The following TRIM71 variants were observed in gnomAD, a reference collection of about 807,000 sequenced individuals.
TRIM71 encodes E3 ubiquitin-protein ligase TRIM71.
Under a neutral mutation model 61.2 loss-of-function variants are expected in TRIM71, and 9 were observed. That is an observed-to-expected ratio of 0.15 (90% CI 0.09 to 0.26). The LOEUF (loss-of-function observed/expected upper bound fraction) is 0.26, where lower values mean the gene tolerates loss of function less well. Among genes scored for constraint, TRIM71 ranks in the 10% least tolerant of loss-of-function variants. The pLI, the probability that TRIM71 is intolerant of heterozygous loss-of-function variation, is 1.00. For missense variants in TRIM71, 998 were observed against 1,238.7 expected (o/e 0.81, Z 2.92); for synonymous variants, 645 against 553.2 (o/e 1.17, Z -2.33).
At chr3:32,841,211 C>T (rs1050222784) in intron 1 of TRIM71, among the ~76,000 whole-genome samples, 1 of 152,138 alleles carries the variant, frequency 6.6e-6, no homozygotes, top group Non-Finnish European at 1.5e-5. Context: ...CGCCACTGCA[C>T]TCCAGCCTGG....
chr3:32,829,045 G>A (rs1696236074), intron 1 of TRIM71, among the ~76,000 whole-genome samples: 2 of 151,508 alleles, frequency 1.3e-5, no homozygotes, highest in Admixed American at 1.3e-4. Flanking sequence ...CCAGGCTGGA[G>A]TGCAGTGATG....
intron 1 of TRIM71, among the ~76,000 whole-genome samples, chr3:32,819,302 T>TC (rs1696101980): frequency 6.6e-6 from 1 of 152,174 alleles, no homozygotes; most frequent in African/African-American, 2.4e-5. Flanking sequence ...ACCAGAGGCC[T>TC]CCCAACGTGC....
At chr3:32,855,530 C>T (rs1048652784) in intron 1 of TRIM71, among the ~76,000 whole-genome samples, 7 of 152,136 alleles carry the variant, frequency 4.6e-5, no homozygotes, top group African/African-American at 1.7e-4. Context: ...GTCTCTAGCC[C>T]TCCTCTTTTG....
At chr3:32,856,869 A>G (rs560207472) in intron 1 of TRIM71, among the ~76,000 whole-genome samples, 49 of 152,270 alleles carry the variant, frequency 3.2e-4, no homozygotes, top group African/African-American at 1.2e-3. Flanking sequence ...TGGAACTGCC[A>G]CGGACATTTT....
intron 1 of TRIM71, among the ~76,000 whole-genome samples, chr3:32,862,654 G>T (rs1437607265): frequency 6.6e-6 from 1 of 152,192 alleles, no homozygotes; most frequent in Non-Finnish European, 1.5e-5. Context: ...GTGTGTCTAC[G>T]TCCAAATCTG....
chr3:32,842,568 C>T (rs1696418545), intron 1 of TRIM71, among the ~76,000 whole-genome samples: 1 of 152,224 alleles, frequency 6.6e-6, no homozygotes, highest in African/African-American at 2.4e-5. Context: ...TCTGTCCCTT[C>T]CTGGATAGAG....
At chr3:32,860,492 G>T (rs112651978) in intron 1 of TRIM71, among the ~76,000 whole-genome samples, 1 of 150,928 alleles carries the variant, frequency 6.6e-6, no homozygotes, top group African/African-American at 2.4e-5. Flanking sequence ...TTAAATTTGA[G>T]GTATTTTGCC....
At chr3:32,871,067 C>T (rs375259957) in intron 1 of TRIM71, among the ~76,000 whole-genome samples, 6 of 151,848 alleles carry the variant, frequency 4.0e-5, no homozygotes, top group African/African-American at 1.5e-4. Context: ...CGTCCAGCTA[C>T]TAGAACTTAA....
chr3:32,852,043 C>T (rs1320698659), intron 1 of TRIM71, among the ~76,000 whole-genome samples: 1 of 152,154 alleles, frequency 6.6e-6, no homozygotes, highest in Non-Finnish European at 1.5e-5. Flanking sequence ...CCCTCTGGAG[C>T]GTGCCCGAGG....
Position 32,891,917 on chromosome 3 carries a change from CAG to C in TRIM71, c.*107_*108del, listed in dbSNP as rs1325601513. The C allele has an allele frequency of 6.9e-7, 1 of 1,452,268 alleles. No homozygotes were observed. Among genetic ancestry groups the C allele is most frequent in the African/African-American group, 1.4e-5 (1 of 69,206 alleles). 90.0% of individuals were successfully genotyped at this position (1,452,268 alleles called of 1,614,324 possible). On this transcript the variant is annotated 3_prime_UTR_variant, in exon 4 of 4. Transcript: ENST00000383763. The surrounding 1 kb of genome is among the most constrained non-coding windows in gnomAD (Gnocchi z 8.2). Reference sequence around the variant, plus strand: ...TTGAATTTCAAAGAAGAAACAGTCTCAGGGAAATTTCTTTTTTCTTTTTTTTT... The same window carrying C: ...TTGAATTTCAAAGAAGAAACAGTCTCGGAAATTTCTTTTTTCTTTTTTTTT...
rs781165303 is a variant in TRIM71, at chr3:32,818,653, G to C, written c.573G>C (p.Leu191=). ...PGGPAASPSA[L]LLRRPHGCSS... is the part of the protein sequence containing the mutation. ...GCCCTGCCGCTTCCCCGTCGGCGCT[G>C]CTGCTCCGCCGTCCTCACGGCTGCA... Residue 191 remains leucine (L), a synonymous_variant, in exon 1 of 4, where the codon CTG becomes CTC. Transcript: ENST00000383763. 26 of 1,494,878 alleles carry C rather than the reference G, an allele frequency of 1.7e-5. No individual in the cohort carries two copies. Among genetic ancestry groups the C allele is most frequent in the Admixed American group, 2.3e-5 (1 of 43,540 alleles). 92.6% of individuals were successfully genotyped at this position (1,494,878 alleles called of 1,614,324 possible).
At chr3:32,839,954 T>C (rs967049907) in intron 1 of TRIM71, among the ~76,000 whole-genome samples, 3 of 152,160 alleles carry the variant, frequency 2.0e-5, no homozygotes, top group Admixed American at 1.3e-4. Context: ...TAGAACTGTA[T>C]CTACAAAGCA....
chr3:32,833,050 C>T (rs543162086), intron 1 of TRIM71, among the ~76,000 whole-genome samples: 1 of 151,892 alleles, frequency 6.6e-6, no homozygotes, highest in East Asian at 2.0e-4. Flanking sequence ...TGTTACGAAC[C>T]TGTCATCCCA....
intron 1 of TRIM71, among the ~76,000 whole-genome samples, chr3:32,824,792 C>A (rs6771050): frequency 1.3e-5 from 2 of 151,832 alleles, no homozygotes; most frequent in South Asian, 2.1e-4. Flanking sequence ...CTAGATAGTC[C>A]TTTTCTTTTC....
At chr3:32,828,953 T>C (rs945622702) in intron 1 of TRIM71, among the ~76,000 whole-genome samples, 4 of 152,060 alleles carry the variant, frequency 2.6e-5, no homozygotes, top group African/African-American at 9.7e-5. Flanking sequence ...CCTAGAGTAC[T>C]GGGGTTACAG....
intron 2 of TRIM71, among the ~76,000 whole-genome samples, chr3:32,875,255 G>C (rs1696842152): frequency 1.3e-5 from 2 of 152,238 alleles, no homozygotes; most frequent in Non-Finnish European, 2.9e-5. Context: ...AATTGAAACT[G>C]TTGTTTCTGT....
At chr3:32,868,826 C>T (rs1696767508) in intron 1 of TRIM71, among the ~76,000 whole-genome samples, 1 of 152,054 alleles carries the variant, frequency 6.6e-6, no homozygotes, top group South Asian at 2.1e-4. Flanking sequence ...GTGTCTGCAG[C>T]GGGGCTCTGT....
chr3:32,818,479 G>A lies in TRIM71; in HGVS notation c.399G>A (p.Lys133=), dbSNP rs756759285. Residue 133 remains lysine, a synonymous_variant, in exon 1 of 4, where the codon AAG becomes AAA. Transcript: ENST00000383763. The part of the protein sequence containing the change: ...VVATADEPPP[K]NGRAGAPAGA... The stretch of plus-strand genomic sequence containing the variant: ...CCACTGCCGACGAGCCGCCGCCCAA[G>A]AACGGGCGCGCCGGCGCTCCGGCGG... The A allele has an allele frequency of 1.4e-6, 2 of 1,446,126 alleles. No individual in the cohort carries two copies. Among genetic ancestry groups the A allele is most frequent in the Non-Finnish European group, 1.8e-6 (2 of 1,103,912 alleles). 89.6% of individuals were successfully genotyped at this position (1,446,126 alleles called of 1,614,324 possible).
At chr3:32,882,368 T>A (rs2125691175) in intron 2 of TRIM71, among the ~76,000 whole-genome samples, 1 of 152,270 alleles carries the variant, frequency 6.6e-6, no homozygotes, top group African/African-American at 2.4e-5. Flanking sequence ...TTGTGCTAAT[T>A]AATAACCAAC....
Sources: gnomAD v4.1 joint callset for allele counts (sites outside exome capture counted in the v4.1 genomes callset) on GRCh38, gnomAD v4.1.1 for gene constraint, Gnocchi (gnomAD v3.1) non-coding constraint, MANE v1.5 for transcripts, NCBI Gene and HGNC (gene_info 2026-07-23, HGNC 2026-07-21) for gene names.